Variants in DCTN5 observed in about 807,000 individuals in gnomAD.
DCTN5 encodes dynactin subunit 5, also known as dynactin 4.
A neutral mutation model predicts 23.5 loss-of-function variants in DCTN5; 14 were observed. The ratio of observed to expected loss-of-function variants is 0.60; its 90% CI spans 0.39 to 0.93. The LOEUF (loss-of-function observed/expected upper bound fraction) is 0.93, where lower values mean the gene tolerates loss of function less well. Ranked by LOEUF, DCTN5 falls within the 40% of genes least tolerant of loss-of-function variation. The pLI is 0.00. For synonymous variants in DCTN5, 67 were observed against 79.6 expected (o/e 0.84, Z 0.84); for missense variants, 156 against 225.9 (o/e 0.69, Z 1.98).
intron 2 of DCTN5, among the ~76,000 whole-genome samples, chr16:23,647,237 A>G (rs1459928459): frequency 6.6e-6 from 1 of 151,392 alleles, no homozygotes; most frequent in Non-Finnish European, 1.5e-5. Context: ...GGTTCAAGTA[A>G]TTCTCTTGCC....
chr16:23,654,866 C>T (rs1262062985), intron 2 of DCTN5, among the ~76,000 whole-genome samples: 3 of 152,150 alleles, frequency 2.0e-5, no homozygotes, highest in Admixed American at 6.5e-5. Flanking sequence ...TCTTTCTGTG[C>T]TTGGCTTATT....
intron 2 of DCTN5, among the ~76,000 whole-genome samples, chr16:23,650,480 ATTT>A (rs528424379): frequency 7.5e-6 from 1 of 133,934 alleles, no homozygotes. Flanking sequence ...CACCTGGCTA[ATTT>A]TTTTTTTTTT....
intron 2 of DCTN5, among the ~76,000 whole-genome samples, chr16:23,655,452 T>G (rs550484460): frequency 6.6e-6 from 1 of 152,230 alleles, no homozygotes; most frequent in Non-Finnish European, 1.5e-5. Flanking sequence ...GGCACTATCA[T>G]AGCTCACTGT....
rs879269772 is a variant in DCTN5, at chr16:23,645,127, A to T, written c.117+2104A>T. ...TATATATATATATATATATATATAT[A>T]TATATATATATTTTTTTTTTTTTTA... On this transcript the variant is annotated intron_variant, in intron 2 of 5. Coordinates refer to ENST00000300087, the MANE Select transcript of DCTN5 (RefSeq NM_032486.4). Among the ~76,000 whole-genome samples, 245 of 27,090 alleles carry T rather than the reference A, an allele frequency of 9.0e-3. 14 individuals carry two copies. Among genetic ancestry groups the T allele is most frequent in the African/African-American group, 0.038 (186 of 4,926 alleles). 17.8% of individuals were successfully genotyped at this position (27,090 alleles called of 152,430 possible).
chr16:23,666,938 T>C (rs1967917729), intron 5 of DCTN5, 109 bp from the exon 6 acceptor site: 2 of 1,511,524 alleles, frequency 1.3e-6, no homozygotes, highest in Admixed American at 3.9e-5. Flanking sequence ...ATTATTTAAG[T>C]GATTGTCAGA....
In DCTN5 at chr16:23,669,801, G is replaced by A. The variant is rs932421053; in HGVS notation, c.*2657G>A. ...GGGGTACCTGAGCCTGGATTAGAGGGCAGGGGGAGGATATTGCCTAGCCAA... is the reference window on the plus strand; with the variant it reads ...GGGGTACCTGAGCCTGGATTAGAGGACAGGGGGAGGATATTGCCTAGCCAA... On this transcript the variant is annotated 3_prime_UTR_variant, in exon 6 of 6. Coordinates refer to ENST00000300087, the MANE Select transcript of DCTN5 (RefSeq NM_032486.4). 1 of 152,178 alleles carries A rather than the reference G, an allele frequency of 6.6e-6. No homozygotes were observed. Among genetic ancestry groups the A allele is most frequent in the African/African-American group, 2.4e-5 (1 of 41,422 alleles). The allele number at this position is 152,178 out of a possible 1,614,324, so 9.4% of individuals were successfully genotyped here. A position where few individuals can be genotyped will look rare whatever the true frequency, so the allele number is the denominator to read the frequency against.
In DCTN5 at chr16:23,641,558, C is replaced by G. The variant is rs780087217; in HGVS notation, c.16C>G (p.Leu6Val). MELGE[L>V]LYNKSEYIET... The stretch of plus-strand genomic sequence containing the variant: ...GGCGGCGGCCATGGAGTTGGGCGAG[C>G]TGCTCTACAACAAGTCTGAGTACAT... Residue 6 changes from leucine to valine, a missense_variant, in exon 1 of 6, where the codon CTG (leucine) becomes GTG (valine). By Grantham distance (32) the Leu-to-Val change is conservative. This residue lies in a region of DCTN5 where 153 missense variants were observed against 206.8 expected (regional missense o/e 0.74). Coordinates refer to ENST00000300087, the MANE Select transcript of DCTN5 (RefSeq NM_032486.4). 64 of 1,613,994 alleles carry G rather than the reference C, an allele frequency of 4.0e-5. No individual in the cohort carries two copies. The highest frequency in any genetic ancestry group is 5.1e-5 in the Non-Finnish European group (60 of 1,179,964).
At chr16:23,641,826 G>T (rs1967273534) in intron 1 of DCTN5, among the ~76,000 whole-genome samples, 1 of 152,096 alleles carries the variant, frequency 6.6e-6, no homozygotes, top group Non-Finnish European at 1.5e-5. Flanking sequence ...CCTTCGGGAG[G>T]ATAGGACAAG....
At position 23,665,617 on chromosome 16, in the gene DCTN5, T is replaced by G; in HGVS notation, c.349-9T>G. 2 of 1,609,394 alleles carry G rather than the reference T, an allele frequency of 1.2e-6. No individual in the cohort carries two copies. Among genetic ancestry groups the G allele is most frequent in the Non-Finnish European group, 1.7e-6 (2 of 1,178,854 alleles). ...GATCCATTTCCTATTAACAAGATTT[T>G]AATTTCAGGGGCGCCGATGTGTGTT... On this transcript the variant is annotated splice_polypyrimidine_tract_variant and intron_variant, in intron 4 of 5. Coordinates refer to ENST00000300087, the MANE Select transcript of DCTN5 (RefSeq NM_032486.4).
chr16:23,644,928 C>T (rs544156071), intron 2 of DCTN5, among the ~76,000 whole-genome samples: 2 of 145,454 alleles, frequency 1.4e-5, no homozygotes, highest in South Asian at 4.4e-4. Context: ...TACAGGTGCA[C>T]GCCACTACAC....
Position 23,641,586 on chromosome 16 carries a change from A to G in DCTN5, c.44A>G (p.Glu15Gly). ...CTCTACAACAAGTCTGAGTACATCGAGACGGTGCGCGGGTCCAGATATGTA... is the reference window on the plus strand; with the variant it reads ...CTCTACAACAAGTCTGAGTACATCGGGACGGTGCGCGGGTCCAGATATGTA... ...ELLYNKSEYI[E>G]TASGNKVSRQ... is the part of the protein sequence containing the mutation. The change falls in exon 1 of 6, where the codon GAG becomes GGG. Residue 15 changes from glutamate (E) to glycine (G), a missense_variant. Physicochemically the swap from Glu to Gly is moderately conservative, Grantham distance 98. Transcript: ENST00000300087. 6.2e-7 allele frequency: 1 copy of G among 1,613,984 alleles called. No homozygotes were observed. Among genetic ancestry groups the G allele is most frequent in the Non-Finnish European group, 8.5e-7 (1 of 1,179,900 alleles).
At chr16:23,659,022 C>T (rs1967763866) in intron 3 of DCTN5, among the ~76,000 whole-genome samples, 1 of 152,198 alleles carries the variant, frequency 6.6e-6, no homozygotes, top group Non-Finnish European at 1.5e-5. Flanking sequence ...CTGCCCTTCT[C>T]TCTGCATTTC....
At position 23,674,648 on chromosome 16, in the gene DCTN5, C is replaced by G. The variant is rs1229543525; in HGVS notation, c.*7504C>G. Reference sequence around the variant, plus strand: ...GTCCCCAGAAAGGTATTAGGCTTTTCTAGTCTGCTCATTGAATAATCAGGA... The same window carrying G: ...GTCCCCAGAAAGGTATTAGGCTTTTGTAGTCTGCTCATTGAATAATCAGGA... On this transcript the variant is annotated 3_prime_UTR_variant, in exon 6 of 6. Coordinates refer to ENST00000300087, the MANE Select transcript of DCTN5 (RefSeq NM_032486.4). The G allele has an allele frequency of 2.0e-5, 3 of 152,188 alleles. No individual in the cohort carries two copies. The highest frequency in any genetic ancestry group is 6.5e-5 in the Admixed American group (1 of 15,282). 9.4% of individuals were successfully genotyped at this position (152,188 alleles called of 1,614,324 possible). A position where few individuals can be genotyped will look rare whatever the true frequency, so the allele number is the denominator to read the frequency against.
intron 2 of DCTN5, among the ~76,000 whole-genome samples, chr16:23,650,197 A>G (rs888809160): frequency 3.0e-4 from 46 of 152,080 alleles, no homozygotes; most frequent in African/African-American, 1.1e-3. Flanking sequence ...GTCTCTGCGA[A>G]TTTTAGGATC....
chr16:23,666,540 A>AC (rs1967909537), intron 5 of DCTN5: 1 of 157,092 alleles, frequency 6.4e-6, no homozygotes, highest in African/African-American at 2.4e-5. Context: ...CCTTAGCCCT[A>AC]CCCCAAGACA....
chr16:23,649,292 G>A (rs1967546635), intron 2 of DCTN5, among the ~76,000 whole-genome samples: 1 of 152,206 alleles, frequency 6.6e-6, no homozygotes, highest in Admixed American at 6.5e-5. Flanking sequence ...TGAGATGTTT[G>A]AGTTCCTTGT....
chr16:23,659,767 T>C (rs1289382035), intron 3 of DCTN5, among the ~76,000 whole-genome samples: 1 of 152,208 alleles, frequency 6.6e-6, no homozygotes, highest in African/African-American at 2.4e-5. Flanking sequence ...CGGAGAATCA[T>C]TATAAAACAT....
Position 23,658,585 on chromosome 16 carries a change from C to A in DCTN5, c.196C>A (p.Arg66Ser). ...TGGACGTCATTGTGTTGTGAAAAGT[C>A]GTAGTGTCATAAGGCCACCATTCAA... ...RVGRHCVVKS[R>S]SVIRPPFKKF... is the part of the protein sequence containing the mutation. Residue 66 changes from arginine (R) to serine (S), a missense_variant, in exon 3 of 6, where the codon CGT (arginine) becomes AGT (serine). Arg to Ser is a moderately radical substitution (Grantham distance 110, BLOSUM62 -1). Transcript: ENST00000300087. 2 of 1,614,100 alleles carry A rather than the reference C, an allele frequency of 1.2e-6. No individual in the cohort carries two copies. The highest frequency in any genetic ancestry group is 1.7e-6 in the Non-Finnish European group (2 of 1,180,000).
chr16:23,650,704 GT>G, intron 2 of DCTN5: 1 of 1,493,756 alleles, frequency 6.7e-7, no homozygotes, highest in Non-Finnish European at 9.0e-7. Context: ...TTTGTTTCTA[GT>G]TTTTTGCTGT....
Sources: gnomAD v4.1 joint callset for allele counts (sites outside exome capture counted in the v4.1 genomes callset) on GRCh38, gnomAD v4.1.1 for gene constraint, gnomAD v4.1.1 regional missense constraint, MANE v1.5 for transcripts, NCBI Gene and HGNC (gene_info 2026-07-23, HGNC 2026-07-21) for gene names.